TPM4: variants seen among roughly 807,000 people sequenced by gnomAD.
TPM4 encodes tropomyosin alpha-4 chain.
TPM4 carries 17 observed loss-of-function variants against 35.8 expected under a neutral mutation model. The observed-to-expected ratio is 0.47, with a 90% confidence interval of 0.32 to 0.71. TPM4 has a LOEUF of 0.71. Ranked by LOEUF, TPM4 falls within the 30% of genes least tolerant of loss-of-function variation. The pLI, the probability that TPM4 is intolerant of heterozygous loss-of-function variation, is 0.03. For synonymous variants in TPM4, 120 were observed against 122.9 expected (o/e 0.98, Z 0.15); for missense variants, 240 against 320.9 (o/e 0.75, Z 1.93).
chr19:16,068,903 G>T (rs1482926267), intron 2 of TPM4, among the ~76,000 whole-genome samples: 1 of 152,218 alleles, frequency 6.6e-6, no homozygotes, highest in African/African-American at 2.4e-5. Context: ...GAGAATGAGT[G>T]TGTACTAGGA....
intron 2 of TPM4, among the ~76,000 whole-genome samples, chr19:16,085,120 G>A (rs1001099792): frequency 6.6e-6 from 1 of 152,098 alleles, no homozygotes; most frequent in Non-Finnish European, 1.5e-5. Flanking sequence ...AGGCATGGTA[G>A]TGCATGCTGG....
chr19:16,100,059 C>T (rs1170064111), intron 7 of TPM4: 1 of 152,160 alleles, frequency 6.6e-6, no homozygotes, highest in Non-Finnish European at 1.5e-5. Flanking sequence ...TATTAAGTCA[C>T]ACATATCTAG....
intron 2 of TPM4, among the ~76,000 whole-genome samples, chr19:16,071,207 T>C (rs1302087885): frequency 6.6e-6 from 1 of 152,188 alleles, no homozygotes; most frequent in Non-Finnish European, 1.5e-5. Context: ...GTATTTTTAT[T>C]TTTTAGAGAT....
intron 5 of TPM4, among the ~76,000 whole-genome samples, chr19:16,090,205 C>G (rs2090608494): frequency 6.6e-6 from 1 of 152,006 alleles, no homozygotes; most frequent in Admixed American, 6.6e-5. Flanking sequence ...AGGCCCCAAA[C>G]TCCTGGGCTT....
chr19:16,080,769 A>G (rs10426172), intron 1 of TPM4: 142,762 of 328,520 alleles, frequency 0.43, 32,515 homozygotes, highest in East Asian at 0.73. Flanking sequence ...AGATCATGCC[A>G]TTGCACTCCA....
rs2090311244 is a variant in TPM4 at position 16,067,702 on chromosome 19, G to A, written c.78G>A (p.Glu26=). The A allele has an allele frequency of 3.1e-6, 5 of 1,613,558 alleles. No homozygotes were observed. Among genetic ancestry groups the A allele is most frequent in the African/African-American group, 2.7e-5 (2 of 75,038 alleles). Residue 26 remains glutamate (E), a synonymous_variant, in exon 2 of 3, where the codon GAG becomes GAA. Coordinates refer to the TPM4 transcript ENST00000589897. This position sits in a 1 kb window ranked among gnomAD's most constrained non-coding sequence, Gnocchi z 4.1. ...CCATCGACCGCGCGGAGCAGGCGGA[G>A]GCGGATAAGAAAGCCGCTGAGGACA...
At position 16,088,913 on chromosome 19, in the gene TPM4, C is replaced by G. The variant is rs1229536811; in HGVS notation, c.456-132C>G. The stretch of plus-strand genomic sequence containing the variant: ...CAGAAAAATCCATTAACATTTTCTC[C>G]CCACATTCCTTCTGCCCCCCACCGG... On this transcript the variant is annotated intron_variant, in intron 4 of 7. Transcript: ENST00000643579. The G allele has an allele frequency of 1.4e-5, 21 of 1,492,220 alleles. No homozygotes were observed. The East Asian group carries it at 5.2e-4, about 37-fold the overall frequency. 92.4% of individuals were successfully genotyped at this position (1,492,220 alleles called of 1,614,324 possible). A position where few individuals can be genotyped will look rare whatever the true frequency, so the allele number is the denominator to read the frequency against.
intron 1 of TPM4, chr19:16,076,906 G>C (rs2090415171): frequency 8.9e-7 from 1 of 1,120,412 alleles, no homozygotes; most frequent in South Asian, 3.9e-5. Flanking sequence ...TGGGACAGGG[G>C]AGGGGGCGCC....
At chr19:16,076,304 A>G, upstream of TPM4, 3 of 1,511,026 alleles carry the variant, frequency 2.0e-6, no homozygotes, top group Non-Finnish European at 1.8e-6. Context: ...CTTTCTCCAA[A>G]TAAGTCCCGA....
At chr19:16,094,393 G>C (rs562924482) in intron 7 of TPM4, among the ~76,000 whole-genome samples, 31 of 152,008 alleles carry the variant, frequency 2.0e-4, no homozygotes, top group Admixed American at 5.2e-4. Flanking sequence ...AAATTAGCCA[G>C]GCGTGGTGGT....
upstream of TPM4, chr19:16,076,382 G>GTCGGCGGTCCGGCCGGGTGACC: frequency 7.1e-7 from 1 of 1,405,676 alleles, no homozygotes; most frequent in South Asian, 1.6e-5. Context: ...CGGTGCTGAC[G>GTCGGCGGTCCGGCCGGGTGACC]TCGGCGGTCC....
chr19:16,082,716 A>T (rs2090498354), intron 2 of TPM4, among the ~76,000 whole-genome samples: 1 of 151,752 alleles, frequency 6.6e-6, no homozygotes, highest in South Asian at 2.1e-4. Context: ...GGTAGGCCGG[A>T]TGCAGTGATT....
chr19:16,089,814 G>A (rs1262407635), intron 5 of TPM4, among the ~76,000 whole-genome samples: 2 of 151,396 alleles, frequency 1.3e-5, no homozygotes, highest in South Asian at 2.1e-4. Flanking sequence ...ACTCAACTGG[G>A]TGTGGCTTTC....
chr19:16,070,754 C>T lies in TPM4; in HGVS notation c.114+3016C>T, dbSNP rs766175134. Among the ~76,000 whole-genome samples the T allele has an allele frequency of 1.3e-5, 2 of 152,060 alleles. No individual in the cohort carries two copies. Among genetic ancestry groups the T allele is most frequent in the Non-Finnish European group, 1.5e-5 (1 of 67,978 alleles). On this transcript the variant is annotated intron_variant, in intron 2 of 2. Transcript: ENST00000589897. This position sits in a 1 kb window ranked among gnomAD's most constrained non-coding sequence, Gnocchi z 7.4. Reference sequence around the variant, plus strand: ...TACTTCCCCTTTGGGCCTCCCCAGCCCCCCGTGCCCCAGGGCTGCCCTAAG... The same window carrying T: ...TACTTCCCCTTTGGGCCTCCCCAGCTCCCCGTGCCCCAGGGCTGCCCTAAG...
upstream of TPM4, among the ~76,000 whole-genome samples, chr19:16,072,356 A>C (rs1193521341): frequency 2.0e-5 from 3 of 152,222 alleles, no homozygotes; most frequent in Middle Eastern, 3.2e-3. Context: ...GCGTGGCGAA[A>C]GCTCTGCTCA....
intron 4 of TPM4, 70 bp from the exon 5 acceptor site, chr19:16,088,975 G>A (rs901772059): frequency 3.5e-5 from 57 of 1,605,742 alleles, no homozygotes; most frequent in East Asian, 9.0e-5. Context: ...AAAATTTATT[G>A]TTGGGGCGAT....
chr19:16,089,370 CTCT>C (rs879757118), intron 5 of TPM4, among the ~76,000 whole-genome samples: 3 of 152,154 alleles, frequency 2.0e-5, no homozygotes, highest in Non-Finnish European at 2.9e-5. Context: ...GAACATGAGG[CTCT>C]TCTTAGCGAG....
intron 7 of TPM4, among the ~76,000 whole-genome samples, chr19:16,099,324 A>G (rs1363336156): frequency 6.8e-6 from 1 of 146,644 alleles, no homozygotes; most frequent in Non-Finnish European, 1.5e-5. Context: ...TCAAGGATCC[A>G]TGGTGTCTCA....
chr19:16,084,598 C>G (rs755625578), intron 2 of TPM4, among the ~76,000 whole-genome samples: 13 of 152,302 alleles, frequency 8.5e-5, no homozygotes, highest in Middle Eastern at 3.4e-3. Context: ...TGGTGACACC[C>G]CTGTTAAAGA....
Sources: allele counts gnomAD v4.1 joint callset (sites outside exome capture counted in the v4.1 genomes callset), GRCh38; gene constraint gnomAD v4.1.1; non-coding constraint Gnocchi (gnomAD v3.1); transcripts MANE v1.5; gene names NCBI Gene and HGNC (gene_info 2026-07-23, HGNC 2026-07-21).